DIP2C: variants seen among roughly 807,000 people sequenced by gnomAD.
DIP2C encodes DIP2 acetate--CoA ligase C (putative), also known as disco-interacting protein 2 homolog C.
A neutral mutation model predicts 192.4 loss-of-function variants in DIP2C; 33 were observed. The ratio of observed to expected loss-of-function variants is 0.17; its 90% CI spans 0.13 to 0.23. The LOEUF is 0.23. Among genes scored for constraint, DIP2C ranks in the 10% least tolerant of loss-of-function variants. DIP2C has a pLI of 1.00. For missense variants in DIP2C, 1,537 were observed against 2,110.1 expected (o/e 0.73, Z 5.32); for synonymous variants, 979 against 864.1 (o/e 1.13, Z -2.33).
intron 1 of DIP2C, among the ~76,000 whole-genome samples, chr10:645,562 T>A (rs956104947): frequency 3.9e-5 from 6 of 152,224 alleles, no homozygotes; most frequent in Admixed American, 3.3e-4. Flanking sequence ...AAAACATTGA[T>A]GACTTGATGG....
In DIP2C at chr10:417,962, A is replaced by G. The variant is rs71494910; in HGVS notation, c.739+1103T>C. Among the ~76,000 whole-genome samples the G allele has an allele frequency of 3.4e-3, 126 of 37,472 alleles. 7 individuals carry two copies. The highest frequency in any genetic ancestry group is 4.1e-3 in the African/African-American group (29 of 7,048). 24.6% of individuals were successfully genotyped at this position (37,472 alleles called of 152,430 possible). A position where few individuals can be genotyped will look rare whatever the true frequency, so the allele number is the denominator to read the frequency against. On this transcript the variant is annotated intron_variant, in intron 6 of 36. Coordinates refer to ENST00000280886, the MANE Select transcript of DIP2C (RefSeq NM_014974.3). ...TCGATAGGCCTCCCTGTCCACCTGC[A>G]CCTGTCAGGGCTCGGATAGGCCTCC...
At chr10:495,464 G>A (rs556077544) in intron 1 of DIP2C, among the ~76,000 whole-genome samples, 1 of 151,682 alleles carries the variant, frequency 6.6e-6, no homozygotes, top group African/African-American at 2.4e-5. Flanking sequence ...GAAGGGGCAG[G>A]AAAAAAACCT....
intron 11 of DIP2C, 118 bp from the exon 12 acceptor site, chr10:390,491 TC>T (rs1363839334): frequency 4.4e-6 from 5 of 1,132,294 alleles, no homozygotes; most frequent in South Asian, 2.7e-5. Flanking sequence ...CTCTGGTGTC[TC>T]CGGACTTCAC....
At chr10:320,254 A>C (rs1956948179) in intron 31 of DIP2C, among the ~76,000 whole-genome samples, 1 of 152,202 alleles carries the variant, frequency 6.6e-6, no homozygotes, top group African/African-American at 2.4e-5. Context: ...TTGGCACTTA[A>C]AAGAATCAAC....
intron 32 of DIP2C, among the ~76,000 whole-genome samples, chr10:291,338 T>A (rs1955489103): frequency 6.6e-6 from 1 of 152,228 alleles, no homozygotes; most frequent in Admixed American, 6.5e-5. Context: ...GTGTGTTTTG[T>A]ATGAAAACAG....
rs779500412 is a variant in DIP2C, at chr10:349,371, G to C, written c.3069C>G (p.His1023Gln). 1 of 1,610,928 alleles carries C rather than the reference G, an allele frequency of 6.2e-7. No individual in the cohort carries two copies. Among genetic ancestry groups the C allele is most frequent in the Non-Finnish European group, 8.5e-7 (1 of 1,179,706 alleles). ...KIAVMLMERG[H>Q]LQDGDHVALV... is the part of the protein sequence containing the mutation. The stretch of plus-strand genomic sequence containing the variant: ...AGGCCACGTGGTCGCCGTCCTGAAG[G>C]TGGCCCCTCTCCATCAGCATCACGG... The change falls in exon 25 of 37, where the codon CAC becomes CAG. Residue 1023 changes from histidine to glutamine, a missense_variant. Physicochemically the swap from His to Gln is conservative, Grantham distance 24. Coordinates refer to ENST00000280886, the MANE Select transcript of DIP2C (RefSeq NM_014974.3).
intron 1 of DIP2C, among the ~76,000 whole-genome samples, chr10:596,176 TAACC>T (rs1233645354): frequency 2.0e-4 from 31 of 152,216 alleles, no homozygotes; most frequent in Middle Eastern, 3.4e-3. Flanking sequence ...AAAATAAAAG[TAACC>T]TAAGTATTGA....
chr10:542,559 G>C (rs1247045555), intron 1 of DIP2C, among the ~76,000 whole-genome samples: 2 of 152,236 alleles, frequency 1.3e-5, no homozygotes, highest in Non-Finnish European at 2.9e-5. Flanking sequence ...AACCTTCAGA[G>C]TAAAAACCCT....
rs1310678275 is a variant in DIP2C, at chr10:362,680, A to G, written c.2604T>C (p.Ser868=). ...GGCAATAAACTCCAACTTGATGTAT[A>G]CTGTCAATCGCCTAGAAAGTTAATA... is the stretch of plus-strand genomic sequence containing the variant. The part of the protein sequence containing the change: ...WMSRVLQAID[S]IHQVGVYCLA... The change falls in exon 22 of 37, where the codon AGT becomes AGC. Residue 868 remains serine (S), a synonymous_variant. Transcript: ENST00000280886. The G allele has an allele frequency of 2.5e-6, 4 of 1,609,680 alleles. No individual in the cohort carries two copies. The Admixed American group carries it at 6.7e-5, about 27-fold the overall frequency.
At chr10:589,681 C>T (rs11253270) in intron 1 of DIP2C, among the ~76,000 whole-genome samples, 4,468 of 152,256 alleles carry the variant, frequency 0.029, 117 homozygotes, top group East Asian at 0.14. Flanking sequence ...GTGGATGTCT[C>T]TTTGTGAAAA....
At chr10:592,886 A>AC in intron 1 of DIP2C, among the ~76,000 whole-genome samples, 2 of 151,656 alleles carry the variant, frequency 1.3e-5, no homozygotes, top group East Asian at 3.9e-4. Context: ...CAAGGCTCAA[A>AC]CCAACTGGGT....
chr10:440,496 C>A (rs953922360), intron 4 of DIP2C, among the ~76,000 whole-genome samples: 1 of 152,170 alleles, frequency 6.6e-6, no homozygotes, highest in Non-Finnish European at 1.5e-5. Flanking sequence ...CAATATAGCA[C>A]ATTTATATGA....
intron 1 of DIP2C, among the ~76,000 whole-genome samples, chr10:541,264 G>GAC (rs1480269716): frequency 1.3e-5 from 2 of 152,274 alleles, no homozygotes; most frequent in Non-Finnish European, 1.5e-5. Context: ...CTCTGTCACA[G>GAC]ACACACACAC....
At chr10:531,654 C>G (rs1402874770) in intron 1 of DIP2C, among the ~76,000 whole-genome samples, 1 of 152,164 alleles carries the variant, frequency 6.6e-6, no homozygotes, top group East Asian at 1.9e-4. Context: ...CCATAGGGCC[C>G]TCTACAGTTG....
intron 1 of DIP2C, among the ~76,000 whole-genome samples, chr10:489,650 G>A (rs529833153): frequency 6.8e-4 from 103 of 151,260 alleles, no homozygotes; most frequent in Non-Finnish European, 1.2e-3. Context: ...CTAGGGACAC[G>A]GTGGCTCTGA....
At chr10:614,602 A>C (rs376709383) in intron 1 of DIP2C, among the ~76,000 whole-genome samples, 9 of 152,228 alleles carry the variant, frequency 5.9e-5, no homozygotes, top group Admixed American at 3.9e-4. Context: ...GCCGACACAA[A>C]GACAACAGCC....
At chr10:633,127 A>C (rs1854621539) in intron 1 of DIP2C, among the ~76,000 whole-genome samples, 1 of 152,244 alleles carries the variant, frequency 6.6e-6, no homozygotes, top group African/African-American at 2.4e-5. Flanking sequence ...TCAATTTTTT[A>C]ATGATTTCTT....
intron 1 of DIP2C, among the ~76,000 whole-genome samples, chr10:503,235 T>C (rs1391802154): frequency 3.3e-5 from 5 of 152,228 alleles, no homozygotes; most frequent in African/African-American, 1.2e-4. Context: ...ACCTGCGGAC[T>C]TATCATGATT....
chr10:504,823 G>T (rs527536365), intron 1 of DIP2C, among the ~76,000 whole-genome samples: 1 of 152,146 alleles, frequency 6.6e-6, no homozygotes, highest in Non-Finnish European at 1.5e-5. Context: ...TCGCACTATG[G>T]CTGCATCACG....
Sources: allele counts gnomAD v4.1 joint callset (sites outside exome capture counted in the v4.1 genomes callset), GRCh38; gene constraint gnomAD v4.1.1; transcripts MANE v1.5; gene names NCBI Gene and HGNC (gene_info 2026-07-23, HGNC 2026-07-21).